The following GPR33 variants were observed in gnomAD, a reference collection of about 807,000 sequenced individuals.
GPR33 encodes probable G protein-coupled receptor 33.
In GPR33, 4 loss-of-function variants were observed where a neutral mutation model predicts 3.1. That is an observed-to-expected ratio of 1.29 (90% CI 0.64 to 2.96). GPR33 has a LOEUF of 2.96. Among genes scored for constraint, GPR33 ranks in the 30% most tolerant of loss-of-function variants. The pLI, the probability that GPR33 is intolerant of heterozygous loss-of-function variation, is 0.01. For missense variants in GPR33, 390 were observed against 388.9 expected (o/e 1.00, Z -0.02); for synonymous variants, 138 against 142.0 (o/e 0.97, Z 0.20).
Position 31,483,771 on chromosome 14 carries a change from GA to G in GPR33, c.194del (p.Leu65ProfsTer15), listed in dbSNP as rs1211779206. 3.3e-6 allele frequency: 5 copies of G among 1,535,984 alleles called. No homozygotes were observed. The highest frequency in any genetic ancestry group is 3.5e-6 in the Non-Finnish European group (4 of 1,146,898). ...AAGAGAGAATGAGATGAAAAAATAA[GA>G]GAGTATTGACAGTCTGTTTCATCTT... Reference protein sequence around the residue: ...RFKMKQTVNTLLFFHLILSYF... With the variant: ...RFKMKQTVNTXLFFHLILSYF... On this transcript the variant is annotated frameshift_variant, in exon 2 of 2. Coordinates refer to ENST00000399285, the MANE Select transcript of GPR33 (RefSeq NM_001197184.3). LOFTEE classifies it low-confidence loss of function (END_TRUNC).
chr14:31,487,432 GTT>G (rs752227440), intron 1 of GPR33, among the ~76,000 whole-genome samples: 7 of 70,392 alleles, frequency 9.9e-5, no homozygotes, highest in Admixed American at 2.0e-4. Context: ...AAGCCCCTCA[GTT>G]TTTTTTTTTT....
In GPR33 at chr14:31,483,970, A is replaced by G; in HGVS notation, c.-5T>C. 1 of 1,500,840 alleles carries G rather than the reference A, an allele frequency of 6.7e-7. No individual in the cohort carries two copies. The allele number at this position is 1,500,840 out of a possible 1,614,324, so 93.0% of individuals were successfully genotyped here. Reference sequence around the variant, plus strand: ...AGTAGAGTTGATCAGATCCATAATGACCTGTGGAGTGAGAAACAGTGAAAA... The same window carrying G: ...AGTAGAGTTGATCAGATCCATAATGGCCTGTGGAGTGAGAAACAGTGAAAA... On this transcript the variant is annotated splice_region_variant and 5_prime_UTR_variant, in exon 2 of 2. Coordinates refer to ENST00000399285, the MANE Select transcript of GPR33 (RefSeq NM_001197184.3).
intron 1 of GPR33, 52 bp from the exon 2 acceptor site, chr14:31,484,023 G>T (rs2032392471): frequency 5.8e-6 from 8 of 1,380,222 alleles, no homozygotes; most frequent in Non-Finnish European, 7.6e-6. Context: ...AAAAGAAAAG[G>T]TTAAATGTAA....
chr14:31,486,941 T>TATTTGTG (rs1308357577), intron 1 of GPR33, among the ~76,000 whole-genome samples: 1 of 152,132 alleles, frequency 6.6e-6, no homozygotes, highest in Non-Finnish European at 1.5e-5. Flanking sequence ...TATCTCAGTG[T>TATTTGTG]ATTTGTGTGA....
Position 31,483,304 on chromosome 14 carries a change from A to T in GPR33, c.662T>A (p.Ile221Asn), listed in dbSNP as rs141350994. The T allele has an allele frequency of 2.6e-6, 4 of 1,536,182 alleles. No homozygotes were observed. The East Asian group carries it at 9.8e-5, about 38-fold the overall frequency. Residue 221 changes from isoleucine (I) to asparagine (N), a missense_variant, in exon 2 of 2, where the codon ATC becomes AAC. By Grantham distance (149) the Ile-to-Asn change is moderately radical (BLOSUM62 -3). Transcript: ENST00000399285. ...LLGFLLPFFI[I>N]IFCYERVASK... ...GGCTACTCTTTCATAACAAAAGATG[A>T]TGATGAAGAAAGGCAGAAGAAAGCC...
Position 31,483,043 on chromosome 14 carries a change from T to A in GPR33, c.923A>T (p.Lys308Met). 1 of 1,535,972 alleles carries A rather than the reference T, an allele frequency of 6.5e-7. No homozygotes were observed. Among genetic ancestry groups the A allele is most frequent in the Non-Finnish European group, 8.7e-7 (1 of 1,146,830 alleles). Residue 308 changes from lysine to methionine, a missense_variant, in exon 2 of 2, where the codon AAG becomes ATG. Lys to Met is a moderately conservative substitution (Grantham distance 95, BLOSUM62 -1). Transcript: ENST00000399285. Reference protein sequence around the residue: ...LYLFVGENFKKVFKKSILALF... With the variant: ...LYLFVGENFKMVFKKSILALF... ...AGCAAGAATGGACTTCTTGAAGACCTTTTTGAAATTCTCCCCAACAAATAA... is the reference window on the plus strand; with the variant it reads ...AGCAAGAATGGACTTCTTGAAGACCATTTTGAAATTCTCCCCAACAAATAA...
rs1343645656 is a variant in GPR33, at chr14:31,483,030, C to T, written c.936G>A (p.Lys312=). The change falls in exon 2 of 2, where the codon AAG becomes AAA. Residue 312 remains lysine, a synonymous_variant. Coordinates refer to ENST00000399285, the MANE Select transcript of GPR33 (RefSeq NM_001197184.3). ...VGENFKKVFK[K]SILALFESTF... ...TTGACTCAAACAGAGCAAGAATGGA[C>T]TTCTTGAAGACCTTTTTGAAATTCT... The T allele has an allele frequency of 6.5e-7, 1 of 1,535,710 alleles. No individual in the cohort carries two copies. The highest frequency in any genetic ancestry group is 2.0e-5 in the Admixed American group (1 of 50,976).
intron 1 of GPR33, 100 bp downstream of exon 1, chr14:31,487,797 G>T (rs2032436506): frequency 2.0e-5 from 3 of 152,488 alleles, no homozygotes; most frequent in Admixed American, 2.0e-4. Context: ...CTGGCGCAGG[G>T]GAAGGCCACA....
At chr14:31,487,105 T>A (rs1430894402) in intron 1 of GPR33, among the ~76,000 whole-genome samples, 1 of 152,148 alleles carries the variant, frequency 6.6e-6, no homozygotes, top group Non-Finnish European at 1.5e-5. Flanking sequence ...GATTTTTTTT[T>A]AATTGTGCAT....
intron 1 of GPR33, among the ~76,000 whole-genome samples, chr14:31,486,352 G>A (rs1337254612): frequency 6.6e-6 from 1 of 152,146 alleles, no homozygotes; most frequent in African/African-American, 2.4e-5. Context: ...TCCCACCTCA[G>A]CCTCCCAAAG....
chr14:31,485,451 T>C (rs1157322093), intron 1 of GPR33, among the ~76,000 whole-genome samples: 1 of 151,328 alleles, frequency 6.6e-6, no homozygotes, highest in Non-Finnish European at 1.5e-5. Flanking sequence ...CTGGCCAACA[T>C]GGTGAAACCC....
chr14:31,482,889 G>A lies in GPR33; in HGVS notation c.*75C>T, dbSNP rs2032375022. 1 of 1,226,044 alleles carries A rather than the reference G, an allele frequency of 8.2e-7. No individual in the cohort carries two copies. The highest frequency in any genetic ancestry group is 1.1e-6 in the Non-Finnish European group (1 of 906,908). 75.9% of individuals were successfully genotyped at this position (1,226,044 alleles called of 1,614,324 possible). A position where few individuals can be genotyped will look rare whatever the true frequency, so the allele number is the denominator to read the frequency against. ...GGGACTATAGCATACAAAAGCAGAA[G>A]GTATATCCTATTGGTATAATTGACC... On this transcript the variant is annotated 3_prime_UTR_variant, in exon 2 of 2. Coordinates refer to ENST00000399285, the MANE Select transcript of GPR33 (RefSeq NM_001197184.3).
Position 31,487,953 on chromosome 14 carries a change from C to G in GPR33, c.-63G>C, listed in dbSNP as rs1210600705. On this transcript the variant is annotated 5_prime_UTR_variant, in exon 1 of 2. Transcript: ENST00000399285. ...TTGAGCAGGCCAAAGTGACTCTACA[C>G]CATCAATTTCTCACTAGGAACAGAG... 6.6e-6 allele frequency: 1 copy of G among 152,204 alleles called. No individual in the cohort carries two copies. Among genetic ancestry groups the G allele is most frequent in the African/African-American group, 2.4e-5 (1 of 41,446 alleles). 9.4% of individuals were successfully genotyped at this position (152,204 alleles called of 1,614,324 possible).
intron 1 of GPR33, among the ~76,000 whole-genome samples, chr14:31,485,017 ACT>A (rs2032402835): frequency 6.6e-6 from 1 of 151,610 alleles, no homozygotes; most frequent in African/African-American, 2.4e-5. Context: ...CTTACTGCAA[ACT>A]CTGCTTCCTG....
At chr14:31,487,066 G>A (rs1032428396) in intron 1 of GPR33, among the ~76,000 whole-genome samples, 4 of 152,094 alleles carry the variant, frequency 2.6e-5, no homozygotes, top group Admixed American at 1.3e-4. Flanking sequence ...GTGTGCATAT[G>A]AGAAACTAGA....
rs2032383446 is a variant in GPR33, at chr14:31,483,447, A to G, written c.519T>C (p.Arg173=). The G allele has an allele frequency of 6.5e-7, 1 of 1,536,092 alleles. No individual in the cohort carries two copies. Among genetic ancestry groups the G allele is most frequent in the Non-Finnish European group, 8.7e-7 (1 of 1,146,904 alleles). Residue 173 remains arginine, a synonymous_variant, in exon 2 of 2, where the codon CGT becomes CGC. Transcript: ENST00000399285. ...YLIFRETHHD[R]KGKVTCQNNY... ...TATTTTGGCAAGTCACCTTTCCTTTACGGTCATGATGTGTCTCTCTGAAAA... is the reference window on the plus strand; with the variant it reads ...TATTTTGGCAAGTCACCTTTCCTTTGCGGTCATGATGTGTCTCTCTGAAAA...
chr14:31,486,381 G>A (rs1450408826), intron 1 of GPR33, among the ~76,000 whole-genome samples: 2 of 152,196 alleles, frequency 1.3e-5, no homozygotes, highest in African/African-American at 4.8e-5. Flanking sequence ...TTAGAGGCAT[G>A]AGCTGCCGTG....
rs1320364399 is a variant in GPR33, at chr14:31,483,611, G to A, written c.355C>T (p.Leu119Phe). Reference sequence around the variant, plus strand: ...TAACGATCAAGACCGATGGCCGAAAGGAAGAAAACAGAGGTGAACATCCCC... The same window carrying A: ...TAACGATCAAGACCGATGGCCGAAAAGAAGAAAACAGAGGTGAACATCCCC... ...SLGMFTSVFF[L>F]SAIGLDRYLL... The change falls in exon 2 of 2, where the codon CTT becomes TTT. Residue 119 changes from leucine to phenylalanine, a missense_variant. Transcript: ENST00000399285. The A allele has an allele frequency of 1.3e-6, 2 of 1,536,156 alleles. No homozygotes were observed. Among genetic ancestry groups the A allele is most frequent in the Non-Finnish European group, 1.7e-6 (2 of 1,146,918 alleles).
In GPR33 at chr14:31,483,173, G is replaced by A; in HGVS notation, c.793C>T (p.Gln265Ter). The change falls in exon 2 of 2, where the codon CAG becomes TAG. Residue 265 changes from glutamine to a stop codon, truncating the protein, a stop_gained. Coordinates refer to ENST00000399285, the MANE Select transcript of GPR33 (RefSeq NM_001197184.3). LOFTEE classifies it high-confidence loss of function. ...FVCWMPYHIHQGLLLTTNQSL... is the reference protein window; with the variant it reads ...FVCWMPYHIH Reference sequence around the variant, plus strand: ...TGGTTCGTAGTGAGAAGTAAGCCCTGGTGTATATGGTAGGGCATCCAACAC... The same window carrying A: ...TGGTTCGTAGTGAGAAGTAAGCCCTAGTGTATATGGTAGGGCATCCAACAC... The A allele has an allele frequency of 6.5e-7, 1 of 1,536,052 alleles. No individual in the cohort carries two copies. The highest frequency in any genetic ancestry group is 8.7e-7 in the Non-Finnish European group (1 of 1,146,866).
Sources: allele counts gnomAD v4.1 joint callset (sites outside exome capture counted in the v4.1 genomes callset), GRCh38; gene constraint gnomAD v4.1.1; transcripts MANE v1.5; gene names NCBI Gene and HGNC (gene_info 2026-07-23, HGNC 2026-07-21).